Variants in PSG6 observed in about 807,000 individuals in gnomAD.
PSG6 encodes the protein pregnancy-specific beta-1-glycoprotein 6.
Under a neutral mutation model 43.3 loss-of-function variants are expected in PSG6, and 51 were observed. The ratio of observed to expected loss-of-function variants is 1.18; its 90% confidence interval spans 0.94 to 1.49. PSG6 has a LOEUF of 1.49. PSG6 is among the 40% of genes most tolerant of loss of function. The pLI, the probability that PSG6 is intolerant of heterozygous loss-of-function variation, is 0.00. For synonymous variants in PSG6, 292 were observed against 197.6 expected, an observed-to-expected ratio of 1.48 and a Z score of -4.01; for missense variants, 770 against 522.2, an observed-to-expected ratio of 1.47 and a Z score of -4.62.
intron 2 of PSG6, among the ~76,000 whole-genome samples, chr19:42,912,740 A>G (rs534253330): frequency 6.6e-6 from 1 of 151,862 alleles, no homozygotes; most frequent in South Asian, 2.1e-4. Flanking sequence ...GTTTGTGTGA[A>G]TTAGGAAGAG....
chr19:42,916,405 C>T lies in PSG6; in HGVS notation c.147G>A (p.Lys49=). Reference sequence around the variant, plus strand: ...AATTGTGGACAAGTAGAAGAACATCCTTCCCCTCGGAAACTTTGGGTGGCT... The same window carrying T: ...AATTGTGGACAAGTAGAAGAACATCTTTCCCCTCGGAAACTTTGGGTGGCT... ...EAKPPKVSEG[K]DVLLLVHNLP... Residue 49 remains lysine (K), a synonymous_variant, in exon 2 of 6, where the codon AAG becomes AAA. Transcript: ENST00000187910. 1.9e-6 allele frequency: 3 copies of T among 1,612,112 alleles called. No homozygotes were observed. The highest frequency in any genetic ancestry group is 2.5e-6 in the Non-Finnish European group (3 of 1,179,108).
In PSG6 at chr19:42,910,793, G is replaced by T. The variant is rs142866380; in HGVS notation, c.493C>A (p.Arg165Ser). ...LNPREVMEAV[R>S]LICDPETPDA... Reference sequence around the variant, plus strand: ...GGAGTCTCAGGATCACAGATTAAGCGCACAGCCTCCATGACCTCCCTGGGG... The same window carrying T: ...GGAGTCTCAGGATCACAGATTAAGCTCACAGCCTCCATGACCTCCCTGGGG... Residue 165 changes from arginine (R) to serine (S), a missense_variant, in exon 3 of 6, where the codon CGC becomes AGC. Physicochemically the swap from Arg to Ser is moderately radical, Grantham distance 110. Transcript: ENST00000187910. 9.6e-5 allele frequency: 155 copies of T among 1,612,264 alleles called. 5 individuals are homozygous for T. Among genetic ancestry groups the T allele is most frequent in the African/African-American group, 1.2e-4 (9 of 74,814 alleles).
chr19:42,910,446 A>C (rs573329852), intron 3 of PSG6, 134 bp downstream of exon 3: 10 of 1,605,658 alleles, frequency 6.2e-6, no homozygotes, highest in Non-Finnish European at 8.5e-6. Context: ...CCTGGAGCAG[A>C]AAGTCATGGC....
In PSG6 at chr19:42,907,702, G is replaced by T; in HGVS notation, c.859C>A (p.Arg287=). The T allele has an allele frequency of 6.2e-7, 1 of 1,610,812 alleles. No homozygotes were observed. Residue 287 remains arginine (R), a synonymous_variant, in exon 4 of 6, where the codon CGA becomes AGA. Coordinates refer to ENST00000187910, the MANE Select transcript of PSG6 (RefSeq NM_001031850.4). ...QSLPVSPRVK[R]PIENRILILP... ...ATGAGTATCCTGTTTTCAATGGGTC[G>T]CTTTACCCTCGGACTGACCGGGAGG... is the stretch of plus-strand genomic sequence containing the variant.
At position 42,907,038 on chromosome 19, in the gene PSG6, C is replaced by T. The variant is rs769079178; in HGVS notation, c.1124G>A (p.Gly375Glu). ...WTINGKFQLSGQKLFIPQITT... is the reference protein window; with the variant it reads ...WTINGKFQLSEQKLFIPQITT... Reference sequence around the variant, plus strand: ...AATTTGGGGGATAAAGAGCTTTTGTCCTGATAGCTGAAACTTCCCATTAAT... The same window carrying T: ...AATTTGGGGGATAAAGAGCTTTTGTTCTGATAGCTGAAACTTCCCATTAAT... The change falls in exon 5 of 6, where the codon GGA (glycine) becomes GAA (glutamate). Residue 375 changes from glycine to glutamate, a missense_variant. Gly to Glu is a moderately conservative substitution (Grantham distance 98, BLOSUM62 -2). Transcript: ENST00000187910. 4 of 1,612,566 alleles carry T rather than the reference C, an allele frequency of 2.5e-6. No homozygotes were observed. The South Asian group carries it at 3.3e-5, about 13-fold the overall frequency.
At chr19:42,906,866 A>G in intron 5 of PSG6, 56 bp downstream of exon 5, 1 of 1,611,218 alleles carries the variant, frequency 6.2e-7, no homozygotes, top group Non-Finnish European at 8.5e-7. Context: ...TCTTCTCTGA[A>G]AGCCAGATAG....
At chr19:42,904,815 A>G in intron 5 of PSG6, among the ~76,000 whole-genome samples, 1 of 151,668 alleles carries the variant, frequency 6.6e-6, no homozygotes, top group South Asian at 2.1e-4. Flanking sequence ...GCATCTCATG[A>G]CTCTAAATAG....
chr19:42,910,813 C>T lies in PSG6; in HGVS notation c.473G>A (p.Arg158Lys), dbSNP rs768444525. ...TAAGCGCACAGCCTCCATGACCTCCCTGGGGTTTAAGTTGCTGCTGGAGAT... is the reference window on the plus strand; with the variant it reads ...TAAGCGCACAGCCTCCATGACCTCCTTGGGGTTTAAGTTGCTGCTGGAGAT... ...PSISSSNLNP[R>K]EVMEAVRLIC... The change falls in exon 3 of 6, where the codon AGG becomes AAG. Residue 158 changes from arginine to lysine, a missense_variant. Physicochemically the swap from Arg to Lys is conservative, Grantham distance 26. Transcript: ENST00000187910. 1 of 1,611,960 alleles carries T rather than the reference C, an allele frequency of 6.2e-7. No individual in the cohort carries two copies. The highest frequency in any genetic ancestry group is 8.5e-7 in the Non-Finnish European group (1 of 1,179,074).
rs1338965571 is a variant in PSG6 at position 42,914,962 on chromosome 19, C to G, written c.427+1163G>C. 2.0e-4 allele frequency among the ~76,000 whole-genome samples: 30 copies of G among 151,720 alleles called. 2 individuals are homozygous for G. Among genetic ancestry groups the G allele is most frequent in the Admixed American group, 1.1e-3 (16 of 15,216 alleles). ...TTTGCACTGACTCTGGCGGTTGAAG[C>G]CAGTGATTTAGTTCTGGAGTACAGA... is the stretch of plus-strand genomic sequence containing the variant. On this transcript the variant is annotated intron_variant, in intron 2 of 5. Coordinates refer to ENST00000187910, the MANE Select transcript of PSG6 (RefSeq NM_001031850.4).
At chr19:42,916,772 G>A (rs1252805180) in intron 1 of PSG6, among the ~76,000 whole-genome samples, 1 of 150,880 alleles carries the variant, frequency 6.6e-6, no homozygotes, top group African/African-American at 2.4e-5. Flanking sequence ...GGTCCGCACG[G>A]CCCCCTCCAC....
At chr19:42,906,804 G>T in intron 5 of PSG6, 118 bp downstream of exon 5, 1 of 1,602,292 alleles carries the variant, frequency 6.2e-7, no homozygotes, top group Non-Finnish European at 8.5e-7. Context: ...GAGAATTTGG[G>T]ATTTGCTTGT....
chr19:42,906,433 G>A (rs1568441834), intron 5 of PSG6, among the ~76,000 whole-genome samples: 1 of 151,512 alleles, frequency 6.6e-6, no homozygotes, highest in Admixed American at 6.6e-5. Context: ...CACCAGAGGA[G>A]CCCGGAGCAG....
chr19:42,907,296 C>A, intron 4 of PSG6, 120 bp from the exon 5 acceptor site: 2 of 1,496,152 alleles, frequency 1.3e-6, no homozygotes, highest in South Asian at 1.4e-5. Context: ...ACAGCCAAAT[C>A]CCATCTATGT....
Position 42,902,457 on chromosome 19 carries a change from G to A in PSG6, c.1241-11C>T, listed in dbSNP as rs1972050320. On this transcript the variant is annotated splice_polypyrimidine_tract_variant and intron_variant, in intron 5 of 5. Coordinates refer to ENST00000187910, the MANE Select transcript of PSG6 (RefSeq NM_001031850.4). ...TTCCATGGCAGGGACCTGATTGACA[G>A]AAGGCCCAGGTCAGCGCATTTCAAA... The A allele has an allele frequency of 6.2e-7, 1 of 1,610,766 alleles. No homozygotes were observed. Among genetic ancestry groups the A allele is most frequent in the Non-Finnish European group, 8.5e-7 (1 of 1,178,162 alleles).
chr19:42,914,970 T>G (rs1413333370), intron 2 of PSG6, among the ~76,000 whole-genome samples: 4 of 151,796 alleles, frequency 2.6e-5, no homozygotes, highest in South Asian at 2.1e-4. Flanking sequence ...AGCCAGTGAT[T>G]TAGTTCTGGA....
chr19:42,906,736 G>A (rs1031650398), intron 5 of PSG6, 186 bp downstream of exon 5: 1 of 1,538,894 alleles, frequency 6.5e-7, no homozygotes, highest in Non-Finnish European at 8.8e-7. Context: ...TCAGCCATGA[G>A]AAAACAGAAA....
Position 42,907,082 on chromosome 19 carries a change from C to T in PSG6, c.1080G>A (p.Pro360=), listed in dbSNP as rs544059497. The change falls in exon 5 of 6, where the codon CCG becomes CCA. Residue 360 remains proline, a synonymous_variant. Transcript: ENST00000187910. ...DLSCFADSNP[P]AEYSWTINGK... ...CATTAATTGTCCAAGAATACTCTGC[C>T]GGTGGGTTAGAGTCCGCAAAGCAGG... The T allele has an allele frequency of 2.0e-5, 32 of 1,612,610 alleles. No individual in the cohort carries two copies. Among genetic ancestry groups the T allele is most frequent in the South Asian group, 5.5e-5 (5 of 90,848 alleles).
At chr19:42,915,915 G>A (rs10421756) in intron 2 of PSG6, 111,692 of 628,816 alleles carry the variant, frequency 0.18, 18,375 homozygotes, top group African/African-American at 0.43. Flanking sequence ...CCTCTGCAGC[G>A]AGTGTCTGCA....
chr19:42,907,062 A>T lies in PSG6; in HGVS notation c.1100T>A (p.Ile367Asn). Residue 367 changes from isoleucine (I) to asparagine (N), a missense_variant, in exon 5 of 6, where the codon ATT (isoleucine) becomes AAT (asparagine). Ile to Asn is a moderately radical substitution (Grantham distance 149). Coordinates refer to ENST00000187910, the MANE Select transcript of PSG6 (RefSeq NM_001031850.4). ...TCCTGATAGCTGAAACTTCCCATTAATTGTCCAAGAATACTCTGCCGGTGG... is the reference window on the plus strand; with the variant it reads ...TCCTGATAGCTGAAACTTCCCATTATTTGTCCAAGAATACTCTGCCGGTGG... ...SNPPAEYSWT[I>N]NGKFQLSGQK... is the part of the protein sequence containing the mutation. 6.2e-7 allele frequency: 1 copy of T among 1,612,642 alleles called. No individual in the cohort carries two copies. The highest frequency in any genetic ancestry group is 8.5e-7 in the Non-Finnish European group (1 of 1,179,216).
Sources: gnomAD v4.1 joint callset for allele counts (sites outside exome capture counted in the v4.1 genomes callset) on GRCh38, gnomAD v4.1.1 for gene constraint, MANE v1.5 for transcripts, NCBI Gene and HGNC (gene_info 2026-07-23, HGNC 2026-07-21) for gene names.